UGT1A10: variants seen among roughly 807,000 people sequenced by gnomAD.
UGT1A10 encodes UDP-glucuronosyltransferase 1A10.
UGT1A10 carries 49 observed loss-of-function variants against 45.8 expected under a neutral mutation model. The observed-to-expected ratio is 1.07, with a 90% confidence interval of 0.85 to 1.36. UGT1A10 has a LOEUF of 1.36. UGT1A10 is among the 40% of genes most tolerant of loss of function. The pLI is 0.00. For missense variants in UGT1A10, 745 were observed against 668.6 expected, an observed-to-expected ratio of 1.11 and a Z score of -1.26; for synonymous variants, 284 against 249.7, an observed-to-expected ratio of 1.14 and a Z score of -1.29.
At chr2:233,727,495 T>C (rs1362893443) in intron 1 of UGT1A10, among the ~76,000 whole-genome samples, 1 of 152,152 alleles carries the variant, frequency 6.6e-6, no homozygotes, top group African/African-American at 2.4e-5. Flanking sequence ...AGGTAGAACA[T>C]GGGAGCCCAT....
intron 1 of UGT1A10, among the ~76,000 whole-genome samples, chr2:233,749,291 C>G (rs28900384): frequency 0.034 from 5,146 of 151,834 alleles, 168 homozygotes; most frequent in African/African-American, 0.052. Context: ...TGTAGTTATT[C>G]AATTATAAAA....
At chr2:233,757,089 G>A (rs553473050) in intron 1 of UGT1A10, among the ~76,000 whole-genome samples, 2 of 151,514 alleles carry the variant, frequency 1.3e-5, no homozygotes, top group African/African-American at 4.8e-5. Flanking sequence ...AGGGTAAGAG[G>A]CAGAGGGAGG....
chr2:233,675,784 A>T, intron 1 of UGT1A10, among the ~76,000 whole-genome samples: 1 of 152,352 alleles, frequency 6.6e-6, no homozygotes, highest in Admixed American at 6.5e-5. Flanking sequence ...TTAAAAATAA[A>T]TTTGTATGTT....
At position 233,769,603 on chromosome 2, in the gene UGT1A10, G is replaced by T; in HGVS notation, c.1295+1164G>T. 1 of 1,612,818 alleles carries T rather than the reference G, an allele frequency of 6.2e-7. No individual in the cohort carries two copies. Among genetic ancestry groups the T allele is most frequent in the Non-Finnish European group, 8.5e-7 (1 of 1,179,870 alleles). On this transcript the variant is annotated intron_variant, in intron 4 of 4. Transcript: ENST00000344644. The surrounding 1 kb of genome is among the most constrained non-coding windows in gnomAD (Gnocchi z 4.4). Reference sequence around the variant, plus strand: ...CAGATGAGAGGAGACGGAACACGGGGACACACCAGCTTGAGCAAGGGACAA... The same window carrying T: ...CAGATGAGAGGAGACGGAACACGGGTACACACCAGCTTGAGCAAGGGACAA...
At chr2:233,755,308 G>C in intron 1 of UGT1A10, 3 of 564,496 alleles carry the variant, frequency 5.3e-6, no homozygotes, top group Non-Finnish European at 8.4e-6. Flanking sequence ...CTGGCACAGC[G>C]AGCGGCAAGG....
chr2:233,724,319 G>A (rs1167591289), intron 1 of UGT1A10, among the ~76,000 whole-genome samples: 25 of 143,274 alleles, frequency 1.7e-4, no homozygotes, highest in African/African-American at 3.9e-4. Context: ...CGGACGGGGC[G>A]GCTGGCCAGG....
chr2:233,725,264 G>GGCAGAGGAGGCA, intron 1 of UGT1A10, among the ~76,000 whole-genome samples: 1 of 58,548 alleles, frequency 1.7e-5, no homozygotes, highest in African/African-American at 1.3e-4. Flanking sequence ...CAGAGGCAGA[G>GGCAGAGGAGGCA]GAGGCAGAGG....
Position 233,637,298 on chromosome 2 carries a change from T to C in UGT1A10, c.776T>C (p.Leu259Ser). The C allele has an allele frequency of 6.2e-7, 1 of 1,613,998 alleles. No individual in the cohort carries two copies. Among genetic ancestry groups the C allele is most frequent in the Non-Finnish European group, 8.5e-7 (1 of 1,179,860 alleles). ...SIWLLRTDFV[L>S]DYPKPVMPNM... ...TGGTTGTTGCGAACGGACTTTGTTT[T>C]GGACTATCCCAAACCCGTGATGCCC... The change falls in exon 1 of 5, where the codon TTG (leucine) becomes TCG (serine). Residue 259 changes from leucine to serine, a missense_variant. Leu to Ser is a moderately radical substitution (Grantham distance 145, BLOSUM62 -2). Transcript: ENST00000344644.
Position 233,743,547 on chromosome 2 carries a change from C to G in UGT1A10, c.856-23487C>G, listed in dbSNP as rs201114978. ...TTCCCCAGCAGTTCCTCTGACCCCC[C>G]CAAAATATTCTCCAGCGGGTTTCCC... is the stretch of plus-strand genomic sequence containing the variant. On this transcript the variant is annotated intron_variant, in intron 1 of 4. Coordinates refer to ENST00000344644, the MANE Select transcript of UGT1A10 (RefSeq NM_019075.4). 1.6e-4 allele frequency: 221 copies of G among 1,367,292 alleles called. 1 individual carries two copies. In the East Asian group the frequency reaches 2.5e-3, roughly 15 times the overall value. The allele number at this position is 1,367,292 out of a possible 1,614,324, so 84.7% of individuals were successfully genotyped here.
At chr2:233,734,411 C>T (rs1003514733) in intron 1 of UGT1A10, among the ~76,000 whole-genome samples, 1 of 152,010 alleles carries the variant, frequency 6.6e-6, no homozygotes, top group Admixed American at 6.6e-5. Context: ...TGATTCTTCT[C>T]TCTTTTCTTC....
intron 1 of UGT1A10, chr2:233,743,548 C>T (rs61744897): frequency 1.5e-6 from 2 of 1,367,296 alleles, no homozygotes; most frequent in Non-Finnish European, 2.0e-6. Flanking sequence ...CTGACCCCCC[C>T]AAAATATTCT....
At chr2:233,735,244 A>C (rs1308474685) in intron 1 of UGT1A10, among the ~76,000 whole-genome samples, 1 of 152,060 alleles carries the variant, frequency 6.6e-6, no homozygotes, top group African/African-American at 2.4e-5. Context: ...CTTGTTGTTG[A>C]ATTGCTCCCT....
At chr2:233,743,605 G>C in intron 1 of UGT1A10, 5 of 1,367,304 alleles carry the variant, frequency 3.7e-6, no homozygotes, top group Non-Finnish European at 4.9e-6. Flanking sequence ...CCTGGCCGCC[G>C]AAGAACTCCC....
chr2:233,657,363 C>A (rs1237080473), intron 1 of UGT1A10, among the ~76,000 whole-genome samples: 1 of 152,196 alleles, frequency 6.6e-6, no homozygotes. Context: ...ATGGTACCAA[C>A]ATCTGTTTCT....
intron 1 of UGT1A10, chr2:233,721,841 T>A (rs1420005948): frequency 1.9e-6 from 1 of 515,702 alleles, no homozygotes; most frequent in East Asian, 5.5e-5. Context: ...CGACCTTGTG[T>A]CCAGCCCCAC....
intron 1 of UGT1A10, chr2:233,693,622 CCAA>C (rs746308513): frequency 3.7e-6 from 6 of 1,614,072 alleles, no homozygotes; most frequent in African/African-American, 1.3e-5. Flanking sequence ...TGACTTTTTC[CCAA>C]CGAGTGGCCA....
At chr2:233,757,301 G>T (rs1209658771) in intron 1 of UGT1A10, among the ~76,000 whole-genome samples, 1 of 149,508 alleles carries the variant, frequency 6.7e-6, no homozygotes, top group Non-Finnish European at 1.5e-5. Context: ...TGGGGGTTGG[G>T]GGACAGGGGG....
intron 1 of UGT1A10, chr2:233,741,833 G>A (rs1278091039): frequency 6.6e-6 from 1 of 151,848 alleles, no homozygotes; most frequent in Non-Finnish European, 1.5e-5. Flanking sequence ...ATCCAGTTCA[G>A]TTGCCTTTTG....
At chr2:233,698,531 A>T (rs1411997726) in intron 1 of UGT1A10, among the ~76,000 whole-genome samples, 1 of 152,256 alleles carries the variant, frequency 6.6e-6, no homozygotes, top group Non-Finnish European at 1.5e-5. Flanking sequence ...CATAAAGTAA[A>T]CAGAACACGA....
Sources: gnomAD v4.1 joint callset for allele counts (sites outside exome capture counted in the v4.1 genomes callset) on GRCh38, gnomAD v4.1.1 for gene constraint, Gnocchi (gnomAD v3.1) non-coding constraint, MANE v1.5 for transcripts, NCBI Gene and HGNC (gene_info 2026-07-23, HGNC 2026-07-21) for gene names.